The following PLCG1 variants were observed in gnomAD, a reference collection of about 807,000 sequenced individuals.
PLCG1 encodes phospholipase C gamma 1.
PLCG1 carries 71 observed loss-of-function variants against 177.8 expected under a neutral mutation model. The ratio of observed to expected loss-of-function variants is 0.40; its 90% CI spans 0.33 to 0.49. The LOEUF (loss-of-function observed/expected upper bound fraction) is 0.49, where lower values mean the gene tolerates loss of function less well. Ranked by LOEUF, PLCG1 falls within the 20% of genes least tolerant of loss-of-function variation. The pLI is 0.72. For synonymous variants in PLCG1, 658 were observed against 647.9 expected (o/e 1.02, Z -0.24); for missense variants, 1,281 against 1,709.0 (o/e 0.75, Z 4.42).
intron 1 of PLCG1, among the ~76,000 whole-genome samples, chr20:41,158,771 C>T (rs2035400784): frequency 1.3e-5 from 2 of 152,230 alleles, no homozygotes; most frequent in Non-Finnish European, 1.5e-5. Context: ...ACCCAGAGCT[C>T]GTGCATGTTT....
rs747437085 is a variant in PLCG1, at chr20:41,172,333, C to G, written c.2905+44C>G. 3 of 1,579,508 alleles carry G rather than the reference C, an allele frequency of 1.9e-6. No homozygotes were observed. The highest frequency in any genetic ancestry group is 2.6e-6 in the Non-Finnish European group (3 of 1,148,410). On this transcript the variant is annotated intron_variant, in intron 25 of 31. Transcript: ENST00000685551. The surrounding 1 kb of genome is among the most constrained non-coding windows in gnomAD (Gnocchi z 7.0). ...GCGGGGTGTGCATGTGCCTGGAGGG[C>G]CTGGTGGGTGCAAAAAGAGTATTTA...
At chr20:41,145,406 G>A (rs187833526) in intron 1 of PLCG1, among the ~76,000 whole-genome samples, 91 of 152,336 alleles carry the variant, frequency 6.0e-4, no homozygotes, top group African/African-American at 2.0e-3. Flanking sequence ...TGGGTCAAGA[G>A]ACTGTCTTGG....
In PLCG1 at chr20:41,151,534, G is replaced by T. The variant is rs1479190238; in HGVS notation, c.218-8072G>T. 6.6e-6 allele frequency among the ~76,000 whole-genome samples: 1 copy of T among 152,162 alleles called. No individual in the cohort carries two copies. The highest frequency in any genetic ancestry group is 6.5e-5 in the Admixed American group (1 of 15,276). On this transcript the variant is annotated intron_variant, in intron 1 of 31. Transcript: ENST00000685551. This position sits in a 1 kb window ranked among gnomAD's most constrained non-coding sequence, Gnocchi z 5.5. ...AGATCCTTGTTTGTAAAATGGAAAG[G>T]GATAGCTACCCACCCCTCCACTTTG...
rs1221145559 is a variant in PLCG1 at position 41,174,675 on chromosome 20, G to A, written c.*166G>A. 3.1e-6 allele frequency: 2 copies of A among 648,268 alleles called. No homozygotes were observed. Among genetic ancestry groups the A allele is most frequent in the Admixed American group, 5.2e-5 (2 of 38,338 alleles). The allele number at this position is 648,268 out of a possible 1,614,324, so 40.2% of individuals were successfully genotyped here. On this transcript the variant is annotated 3_prime_UTR_variant, in exon 32 of 32. Coordinates refer to ENST00000685551, the MANE Select transcript of PLCG1 (RefSeq NM_002660.3). The surrounding 1 kb of genome is among the most constrained non-coding windows in gnomAD (Gnocchi z 5.8). ...ACAGAAACCAAGCCATTAATGAGAT[G>A]TTATTACTGTTTTGGGCCTCCATGC...
chr20:41,158,442 C>T (rs189306628), intron 1 of PLCG1, among the ~76,000 whole-genome samples: 4 of 152,264 alleles, frequency 2.6e-5, no homozygotes, highest in Admixed American at 6.5e-5. Context: ...TACCTTAAAT[C>T]GGTGATTTCT....
chr20:41,165,625 C>T lies in PLCG1; in HGVS notation c.1612-14C>T. 1 of 1,612,150 alleles carries T rather than the reference C, an allele frequency of 6.2e-7. No homozygotes were observed. The highest frequency in any genetic ancestry group is 8.5e-7 in the Non-Finnish European group (1 of 1,178,534). On this transcript the variant is annotated splice_polypyrimidine_tract_variant and intron_variant, in intron 15 of 31. Coordinates refer to ENST00000685551, the MANE Select transcript of PLCG1 (RefSeq NM_002660.3). This position sits in a 1 kb window ranked among gnomAD's most constrained non-coding sequence, Gnocchi z 6.6. ...CAGGGTCACAGTATCTTTGCTGTTG[C>T]CTTCCCCTGACAGGTCAGCAGCAGC...
At chr20:41,170,445 A>G (rs1600673745) in intron 24 of PLCG1, 176 bp downstream of exon 24, 1 of 636,634 alleles carries the variant, frequency 1.6e-6, no homozygotes, top group East Asian at 2.8e-5. Flanking sequence ...ATAAGATGCA[A>G]TGTGGTGTGT....
chr20:41,154,832 G>C (rs1186810205), intron 1 of PLCG1, among the ~76,000 whole-genome samples: 1 of 152,232 alleles, frequency 6.6e-6, no homozygotes, highest in South Asian at 2.1e-4. Flanking sequence ...CTCCTGCAGA[G>C]GCAGGTTCTC....
In PLCG1 at chr20:41,167,820, C is replaced by T; in HGVS notation, c.2302-32C>T. 6.8e-7 allele frequency: 1 copy of T among 1,473,156 alleles called. No homozygotes were observed. Among genetic ancestry groups the T allele is most frequent in the Middle Eastern group, 1.8e-4 (1 of 5,658 alleles). 91.3% of individuals were successfully genotyped at this position (1,473,156 alleles called of 1,614,324 possible). ...TGCTTTCTACCTCTGGGCTCTGGGGCATTAACATATCCCATTGTGTCCTGT... is the reference window on the plus strand; with the variant it reads ...TGCTTTCTACCTCTGGGCTCTGGGGTATTAACATATCCCATTGTGTCCTGT... On this transcript the variant is annotated intron_variant, in intron 19 of 31. Transcript: ENST00000685551. The surrounding 1 kb of genome is among the most constrained non-coding windows in gnomAD (Gnocchi z 4.4).
intron 24 of PLCG1, among the ~76,000 whole-genome samples, chr20:41,171,586 CAAAAAAAAAAAAA>C (rs71844995): frequency 9.4e-5 from 6 of 64,096 alleles, no homozygotes; most frequent in Admixed American, 2.0e-4. Flanking sequence ...GACTCTGTCT[CAAAAAAAAAAAAA>C]AAAAAAAAAA....
chr20:41,137,708 C>T lies in PLCG1; in HGVS notation c.67C>T (p.Leu23=). ...GPGAPSDAEV[L]HLCRSLEVGT... ...CGGCGCGCCCTCGGACGCCGAGGTG[C>T]TGCACCTCTGCCGCAGCCTCGAGGT... Residue 23 remains leucine, a synonymous_variant, in exon 1 of 32, where the codon CTG becomes TTG. Coordinates refer to ENST00000685551, the MANE Select transcript of PLCG1 (RefSeq NM_002660.3). This position sits in a 1 kb window ranked among gnomAD's most constrained non-coding sequence, Gnocchi z 7.3. The T allele has an allele frequency of 5.3e-6, 7 of 1,312,612 alleles. No homozygotes were observed. The highest frequency in any genetic ancestry group is 6.8e-6 in the Non-Finnish European group (7 of 1,026,338). 81.3% of individuals were successfully genotyped at this position (1,312,612 alleles called of 1,614,324 possible).
At chr20:41,162,896 C>T in intron 6 of PLCG1, 62 bp from the exon 7 acceptor site, 4 of 1,515,362 alleles carry the variant, frequency 2.6e-6, no homozygotes, top group Non-Finnish European at 3.7e-6. Context: ...TGCCTTCTTA[C>T]TAGCCCATTT....
At chr20:41,152,254 A>G (rs1176435174) in intron 1 of PLCG1, among the ~76,000 whole-genome samples, 1 of 152,232 alleles carries the variant, frequency 6.6e-6, no homozygotes, top group African/African-American at 2.4e-5. Context: ...GAATCTCCTC[A>G]TGGTCTTGGC....
At position 41,166,985 on chromosome 20, in the gene PLCG1, C is replaced by T; in HGVS notation, c.2301+126C>T. 2 of 870,256 alleles carry T rather than the reference C, an allele frequency of 2.3e-6. No homozygotes were observed. The highest frequency in any genetic ancestry group is 3.7e-6 in the Non-Finnish European group (2 of 542,898). The allele number at this position is 870,256 out of a possible 1,614,324, so 53.9% of individuals were successfully genotyped here. A position where few individuals can be genotyped will look rare whatever the true frequency, so the allele number is the denominator to read the frequency against. On this transcript the variant is annotated intron_variant, in intron 19 of 31. Coordinates refer to ENST00000685551, the MANE Select transcript of PLCG1 (RefSeq NM_002660.3). The surrounding 1 kb of genome is among the most constrained non-coding windows in gnomAD (Gnocchi z 8.6). ...TAGAAGTTCGTGGGAGGGCCCCTGACTCCAGCTGGGAGCCACAGTGTGGGT... is the reference window on the plus strand; with the variant it reads ...TAGAAGTTCGTGGGAGGGCCCCTGATTCCAGCTGGGAGCCACAGTGTGGGT...
At chr20:41,168,227 C>A (rs551914185) in intron 20 of PLCG1, among the ~76,000 whole-genome samples, 1 of 152,228 alleles carries the variant, frequency 6.6e-6, no homozygotes, top group Admixed American at 6.5e-5. Context: ...ACACTGGCCA[C>A]TCATTCCCCG....
Position 41,164,040 on chromosome 20 carries a change from G to A in PLCG1, c.1096+34G>A, listed in dbSNP as rs374992014. On this transcript the variant is annotated intron_variant, in intron 11 of 31. Coordinates refer to ENST00000685551, the MANE Select transcript of PLCG1 (RefSeq NM_002660.3). The surrounding 1 kb of genome is among the most constrained non-coding windows in gnomAD (Gnocchi z 6.4). ...GGTCCAGGGCTGGGGGAGGGAAGATGGGAGGCCTGCCCGCTTGACCATGGT... is the reference window on the plus strand; with the variant it reads ...GGTCCAGGGCTGGGGGAGGGAAGATAGGAGGCCTGCCCGCTTGACCATGGT... 18 of 1,614,182 alleles carry A rather than the reference G, an allele frequency of 1.1e-5. No homozygotes were observed. Among genetic ancestry groups the A allele is most frequent in the Non-Finnish European group, 1.5e-5 (18 of 1,180,034 alleles).
Position 41,172,813 on chromosome 20 carries a change from A to G in PLCG1, c.3215A>G (p.Glu1072Gly), listed in dbSNP as rs1436358486. 6.2e-7 allele frequency: 1 copy of G among 1,614,192 alleles called. No individual in the cohort carries two copies. Among genetic ancestry groups the G allele is most frequent in the African/African-American group, 1.3e-5 (1 of 75,054 alleles). ...CTGCAGCCAAGCACCATGCGGGATG[A>G]GGCCTTCGACCCCTTTGACAAGAGC... ...YVLQPSTMRD[E>G]AFDPFDKSSL... is the part of the protein sequence containing the mutation. The change falls in exon 27 of 32, where the codon GAG (glutamate) becomes GGG (glycine). Residue 1072 changes from glutamate to glycine, a missense_variant. Around this residue, in one of 4 missense-constraint regions of PLCG1, gnomAD observed 723 missense variants for 1,030.0 expected, o/e 0.70. Transcript: ENST00000685551. The surrounding 1 kb of genome is among the most constrained non-coding windows in gnomAD (Gnocchi z 7.0).
Position 41,160,082 on chromosome 20 carries a change from C to G in PLCG1, c.465-24C>G, listed in dbSNP as rs1264994541. 6.2e-7 allele frequency: 1 copy of G among 1,613,820 alleles called. No individual in the cohort carries two copies. The highest frequency in any genetic ancestry group is 1.1e-5 in the South Asian group (1 of 91,076). ...CCTGACTGTAGATGGAGAAGTGGCC[C>G]TCACCTCAGGCTTCTCTCTCCAGGT... On this transcript the variant is annotated intron_variant, in intron 3 of 31. Transcript: ENST00000685551. This position sits in a 1 kb window ranked among gnomAD's most constrained non-coding sequence, Gnocchi z 5.5.
Position 41,141,101 on chromosome 20 carries a change from T to C in PLCG1, c.217+3243T>C, listed in dbSNP as rs534990212. On this transcript the variant is annotated intron_variant, in intron 1 of 31. Transcript: ENST00000685551. ...CTCCACACTTTTTCTTCTGGTGTTT[T>C]CTGAGTTGAGATGGTTCAGACTCGT... 5.9e-5 allele frequency among the ~76,000 whole-genome samples: 9 copies of C among 152,346 alleles called. No individual in the cohort carries two copies. In the South Asian group the frequency reaches 1.9e-3, roughly 32 times the overall value.
Sources: allele counts gnomAD v4.1 joint callset (sites outside exome capture counted in the v4.1 genomes callset), GRCh38; gene constraint gnomAD v4.1.1; regional missense constraint gnomAD v4.1.1; non-coding constraint Gnocchi (gnomAD v3.1); transcripts MANE v1.5; gene names NCBI Gene and HGNC (gene_info 2026-07-23, HGNC 2026-07-21).